The following LRRC4C variants were observed in gnomAD, a reference collection of about 807,000 sequenced individuals.
LRRC4C encodes the protein leucine-rich repeat-containing protein 4C.
A neutral mutation model predicts 33.6 loss-of-function variants in LRRC4C; 5 were observed. The ratio of observed to expected loss-of-function variants is 0.15; its 90% CI spans 0.08 to 0.31. The LOEUF is 0.31. LRRC4C is among the 10% of genes least tolerant of loss of function. The pLI is 1.00. For missense variants in LRRC4C, 560 were observed against 796.7 expected (o/e 0.70, Z 3.58); for synonymous variants, 329 against 302.0 (o/e 1.09, Z -0.93).
rs1433228985 is a variant in LRRC4C, at chr11:40,286,311, C to G, written c.-176+33317G>C. Among the ~76,000 whole-genome samples, 3 of 152,232 alleles carry G rather than the reference C, an allele frequency of 2.0e-5. No individual in the cohort carries two copies. The South Asian group carries it at 6.2e-4, about 32-fold the overall frequency. ...CTCGGTTGACCACAGGTAACTGACA[C>G]CACCAGAAGTGAAACTGCAGATAAG... is the stretch of plus-strand genomic sequence containing the variant. On this transcript the variant is annotated intron_variant, in intron 4 of 6. Transcript: ENST00000528697.
chr11:40,749,811 T>C (rs534712486), intron 2 of LRRC4C, among the ~76,000 whole-genome samples: 1 of 152,086 alleles, frequency 6.6e-6, no homozygotes, highest in African/African-American at 2.4e-5. Context: ...ACATCAAAAC[T>C]GATACCACGG....
intron 2 of LRRC4C, among the ~76,000 whole-genome samples, chr11:40,804,473 C>T (rs1462527264): frequency 2.0e-5 from 3 of 152,322 alleles, no homozygotes; most frequent in African/African-American, 4.8e-5. Flanking sequence ...AGTTTCATAA[C>T]CACAGCATTC....
intron 2 of LRRC4C, among the ~76,000 whole-genome samples, chr11:40,837,920 A>G (rs1952748654): frequency 6.6e-6 from 1 of 152,068 alleles, no homozygotes; most frequent in African/African-American, 2.4e-5. Flanking sequence ...CCTCACATGT[A>G]TACAGCTGTT....
chr11:40,553,309 A>G (rs1197464308), intron 3 of LRRC4C, among the ~76,000 whole-genome samples: 1 of 152,080 alleles, frequency 6.6e-6, no homozygotes, highest in African/African-American at 2.4e-5. Context: ...GTGGATCAGA[A>G]GCAACAAAGT....
At chr11:40,258,121 G>A (rs1178342466) in intron 4 of LRRC4C, among the ~76,000 whole-genome samples, 1 of 152,036 alleles carries the variant, frequency 6.6e-6, no homozygotes, top group Non-Finnish European at 1.5e-5. Flanking sequence ...TTTTCACCAC[G>A]TTTCATAGTC....
intron 3 of LRRC4C, among the ~76,000 whole-genome samples, chr11:40,337,731 TA>T (rs1186742008): frequency 6.6e-6 from 1 of 152,148 alleles, no homozygotes; most frequent in East Asian, 1.9e-4. Context: ...GTTACATAGG[TA>T]AACTTGTGTC....
chr11:40,476,424 C>T (rs994545524), intron 3 of LRRC4C, among the ~76,000 whole-genome samples: 16 of 147,326 alleles, frequency 1.1e-4, no homozygotes, highest in African/African-American at 4.0e-4. Context: ...CAGCTCACCA[C>T]AGCCTCTGCC....
At chr11:41,129,926 T>A in intron 1 of LRRC4C, among the ~76,000 whole-genome samples, 1 of 151,978 alleles carries the variant, frequency 6.6e-6, no homozygotes, top group Non-Finnish European at 1.5e-5. Flanking sequence ...TGTATATGAT[T>A]ACATCTTTCC....
At chr11:41,328,681 C>A (rs543747467) in intron 1 of LRRC4C, among the ~76,000 whole-genome samples, 1 of 152,274 alleles carries the variant, frequency 6.6e-6, no homozygotes, top group East Asian at 1.9e-4. Flanking sequence ...TTTCTAACCA[C>A]CAGCAAGCCT....
At chr11:41,293,744 C>T (rs995112592) in intron 1 of LRRC4C, among the ~76,000 whole-genome samples, 11 of 151,962 alleles carry the variant, frequency 7.2e-5, no homozygotes, top group South Asian at 2.1e-4. Context: ...ATTACAGGTG[C>T]GTGCCATCAT....
At chr11:40,274,616 T>C (rs2136376726) in intron 4 of LRRC4C, among the ~76,000 whole-genome samples, 1 of 152,200 alleles carries the variant, frequency 6.6e-6, no homozygotes, top group Non-Finnish European at 1.5e-5. Flanking sequence ...GAAGGGGAGC[T>C]AGAAAAATGT....
At chr11:41,012,154 C>G (rs1384473547) in intron 1 of LRRC4C, among the ~76,000 whole-genome samples, 1 of 152,062 alleles carries the variant, frequency 6.6e-6, no homozygotes, top group Non-Finnish European at 1.5e-5. Context: ...AGTCACTCTA[C>G]TGGTCTGTCA....
At chr11:40,309,799 G>A (rs1041409721) in intron 4 of LRRC4C, among the ~76,000 whole-genome samples, 6 of 152,094 alleles carry the variant, frequency 3.9e-5, no homozygotes, top group Non-Finnish European at 7.3e-5. Context: ...GAGACACCAT[G>A]CCCCACCAAA....
chr11:40,189,356 A>C (rs1369690632), intron 5 of LRRC4C, among the ~76,000 whole-genome samples: 1 of 152,170 alleles, frequency 6.6e-6, no homozygotes, highest in Non-Finnish European at 1.5e-5. Context: ...CTCCTAGGGT[A>C]AACCATTGTG....
At chr11:41,122,994 G>A (rs1328133507) in intron 1 of LRRC4C, 2 of 152,074 alleles carry the variant, frequency 1.3e-5, no homozygotes, top group Admixed American at 6.6e-5. Context: ...ACTTTAGTAC[G>A]TATTCAGCCT....
chr11:40,449,977 A>G (rs1590775742), intron 3 of LRRC4C, among the ~76,000 whole-genome samples: 1 of 152,312 alleles, frequency 6.6e-6, no homozygotes, highest in East Asian at 1.9e-4. Flanking sequence ...GGTGTTCAAT[A>G]AAGTCTGGTT....
At chr11:40,336,772 C>A (rs954538378) in intron 3 of LRRC4C, among the ~76,000 whole-genome samples, 2 of 151,776 alleles carry the variant, frequency 1.3e-5, no homozygotes, top group Admixed American at 6.6e-5. Context: ...GTCAGGAGAT[C>A]GAGACCATCC....
chr11:40,640,826 A>C (rs1218061651), intron 3 of LRRC4C, among the ~76,000 whole-genome samples: 1 of 151,950 alleles, frequency 6.6e-6, no homozygotes, highest in Admixed American at 6.6e-5. Flanking sequence ...ACTATCTTGG[A>C]TAACACGGTG....
At chr11:41,098,775 A>C (rs541944885) in intron 1 of LRRC4C, among the ~76,000 whole-genome samples, 1 of 152,264 alleles carries the variant, frequency 6.6e-6, no homozygotes, top group Admixed American at 6.5e-5. Context: ...TCACAACTAA[A>C]AGAACTAGAA....
Sources: gnomAD v4.1 joint callset for allele counts (sites outside exome capture counted in the v4.1 genomes callset) on GRCh38, gnomAD v4.1.1 for gene constraint, MANE v1.5 for transcripts, NCBI Gene and HGNC (gene_info 2026-07-23, HGNC 2026-07-21) for gene names.